The following MICOS10 variants were observed in gnomAD, a reference collection of about 807,000 sequenced individuals.
The protein encoded by MICOS10 is MICOS complex subunit MIC10.
A neutral mutation model predicts 13.4 loss-of-function variants in MICOS10; 5 were observed. The observed-to-expected ratio is 0.37, with a 90% confidence interval of 0.20 to 0.78. MICOS10 has a LOEUF of 0.78. Among genes scored for constraint, MICOS10 ranks in the 30% least tolerant of loss-of-function variants. The pLI is 0.47. For missense variants in MICOS10, 101 were observed against 94.6 expected (o/e 1.07, Z -0.28); for synonymous variants, 35 against 33.6 (o/e 1.04, Z -0.15).
At position 19,619,904 on chromosome 1, in the gene MICOS10, C is replaced by T. The variant is rs138924642; in HGVS notation, c.65-2196C>T. ...TGCTCCCCACCCCCTACCACACACC[C>T]GCAACTGGCCTTTGCCATGAGGAAG... On this transcript the variant is annotated intron_variant, in intron 1 of 3. Transcript: ENST00000322753. Among the ~76,000 whole-genome samples the T allele has an allele frequency of 5.9e-3, 892 of 152,332 alleles. 5 individuals carry two copies. Among genetic ancestry groups the T allele is most frequent in the Non-Finnish European group, 9.7e-3 (661 of 68,036 alleles).
chr1:19,600,741 G>T (rs1284528703), intron 1 of MICOS10: 1 of 413,188 alleles, frequency 2.4e-6, no homozygotes, highest in Admixed American at 2.9e-5. Context: ...AGCTGGGACT[G>T]TGGGTACGCA....
Position 19,623,602 on chromosome 1 carries a change from T to C in MICOS10, c.222+19T>C. 3 of 1,521,296 alleles carry C rather than the reference T, an allele frequency of 2.0e-6. No individual in the cohort carries two copies. Among genetic ancestry groups the C allele is most frequent in the Non-Finnish European group, 2.7e-6 (3 of 1,099,922 alleles). The allele number at this position is 1,521,296 out of a possible 1,614,324, so 94.2% of individuals were successfully genotyped here. On this transcript the variant is annotated intron_variant, in intron 3 of 3. Transcript: ENST00000322753. ...TGTCAAAGTATGTACAGAATATATA[T>C]TTCTCTTTCCTTCAGAAGAAAAAGA...
At chr1:19,613,678 C>T (rs147325563) in intron 1 of MICOS10, among the ~76,000 whole-genome samples, 4 of 152,274 alleles carry the variant, frequency 2.6e-5, no homozygotes, top group East Asian at 1.9e-4. Context: ...AGTGGGTACA[C>T]GGTTTGTATA....
At chr1:19,624,302 G>T (rs1043053714) in intron 3 of MICOS10, among the ~76,000 whole-genome samples, 7 of 151,974 alleles carry the variant, frequency 4.6e-5, no homozygotes, top group Admixed American at 3.3e-4. Flanking sequence ...TATTTATTTT[G>T]TGGGGATGGA....
chr1:19,608,284 T>C, intron 1 of MICOS10: 2 of 1,348,308 alleles, frequency 1.5e-6, no homozygotes, highest in Non-Finnish European at 2.1e-6. Context: ...GCCGTGTGAC[T>C]GGTGGGATGA....
intron 3 of MICOS10, 88 bp from the exon 4 acceptor site, chr1:19,626,299 C>T: frequency 6.5e-7 from 1 of 1,535,708 alleles, no homozygotes; most frequent in Non-Finnish European, 9.0e-7. Flanking sequence ...TGGCTTCTGG[C>T]CCTTTGGGTC....
chr1:19,614,408 A>ACACTTT lies in MICOS10; in HGVS notation c.65-7688_65-7683dup, dbSNP rs2100296690. The ACACTTT allele has an allele frequency of 1.3e-5, 2 of 150,022 alleles. 1 individual carries two copies. Among genetic ancestry groups the ACACTTT allele is most frequent in the South Asian group, 4.2e-4 (2 of 4,746 alleles). The allele number at this position is 150,022 out of a possible 1,614,324, so 9.3% of individuals were successfully genotyped here. ...TTCACACACACACACTCTCACACAC[A>ACACTTT]CACTTTCACACACACACATTCACTC... On this transcript the variant is annotated intron_variant, in intron 1 of 3. Coordinates refer to ENST00000322753, the MANE Select transcript of MICOS10 (RefSeq NM_001032363.4).
At chr1:19,617,714 G>A (rs1320980) in intron 1 of MICOS10, among the ~76,000 whole-genome samples, 16,654 of 152,094 alleles carry the variant, frequency 0.11, 3,086 homozygotes, top group African/African-American at 0.38. Flanking sequence ...TTTGATGATT[G>A]TAATAGCATT....
intron 1 of MICOS10, among the ~76,000 whole-genome samples, chr1:19,607,735 ACT>A (rs934123980): frequency 2.0e-5 from 3 of 152,220 alleles, no homozygotes; most frequent in African/African-American, 7.2e-5. Flanking sequence ...TGATTTTTAA[ACT>A]CTGAAAATGT....
intron 3 of MICOS10, among the ~76,000 whole-genome samples, chr1:19,625,865 A>C (rs2094920216): frequency 6.6e-6 from 1 of 152,150 alleles, no homozygotes; most frequent in Non-Finnish European, 1.5e-5. Flanking sequence ...GCAAAATCCC[A>C]ACCTGGGCTT....
intron 2 of MICOS10, among the ~76,000 whole-genome samples, 158 bp downstream of exon 2, chr1:19,622,305 A>G (rs1296134413): frequency 6.6e-6 from 1 of 152,136 alleles, no homozygotes; most frequent in Non-Finnish European, 1.5e-5. Flanking sequence ...TTAGATAAAG[A>G]ATGTGGACTT....
At chr1:19,625,732 TC>T in intron 3 of MICOS10, 1 of 1,144,954 alleles carries the variant, frequency 8.7e-7, no homozygotes, top group Non-Finnish European at 1.1e-6. Context: ...GGCTGGGAGT[TC>T]CTGTGGAAAA....
intron 1 of MICOS10, among the ~76,000 whole-genome samples, chr1:19,600,117 C>T (rs1015696225): frequency 1.3e-5 from 2 of 151,914 alleles, no homozygotes; most frequent in African/African-American, 4.8e-5. Context: ...ACTTTTGCAC[C>T]AACCTAGTAA....
Position 19,626,502 on chromosome 1 carries a change from TG to T in MICOS10, c.*102del, listed in dbSNP as rs1387030664. On this transcript the variant is annotated 3_prime_UTR_variant, in exon 4 of 4. Coordinates refer to ENST00000322753, the MANE Select transcript of MICOS10 (RefSeq NM_001032363.4). Reference sequence around the variant, plus strand: ...GTAAGCTGCCATTCTTCTGTAACAATGTTATCAGTAATGCTTTAAACTCCAG... The same window carrying T: ...GTAAGCTGCCATTCTTCTGTAACAATTTATCAGTAATGCTTTAAACTCCAG... 7.7e-7 allele frequency: 1 copy of T among 1,303,326 alleles called. No homozygotes were observed. Among genetic ancestry groups the T allele is most frequent in the East Asian group, 2.3e-5 (1 of 42,654 alleles). 80.7% of individuals were successfully genotyped at this position (1,303,326 alleles called of 1,614,324 possible).
chr1:19,610,175 A>G (rs1490098279), intron 1 of MICOS10, among the ~76,000 whole-genome samples: 3 of 152,048 alleles, frequency 2.0e-5, no homozygotes, highest in Non-Finnish European at 4.4e-5. Flanking sequence ...CATAATTCTT[A>G]GGTCTTGTAA....
intron 1 of MICOS10, among the ~76,000 whole-genome samples, chr1:19,620,982 A>T (rs1047223522): frequency 6.6e-6 from 1 of 152,236 alleles, no homozygotes; most frequent in Non-Finnish European, 1.5e-5. Flanking sequence ...ATTGTAAGCC[A>T]TTATGTTTTT....
intron 1 of MICOS10, among the ~76,000 whole-genome samples, chr1:19,621,621 G>C (rs2094903814): frequency 6.6e-6 from 1 of 152,180 alleles, no homozygotes; most frequent in Non-Finnish European, 1.5e-5. Context: ...ATTCTGGCTT[G>C]TGTGATAGCT....
chr1:19,614,325 T>TA (rs1292506561), intron 1 of MICOS10, among the ~76,000 whole-genome samples: 97 of 136,618 alleles, frequency 7.1e-4, no homozygotes, highest in South Asian at 4.0e-3. Context: ...ACCTCCCTTA[T>TA]AAAAAAAAAA....
chr1:19,598,634 A>G (rs530836338), intron 1 of MICOS10, among the ~76,000 whole-genome samples: 8 of 151,664 alleles, frequency 5.3e-5, no homozygotes, highest in South Asian at 2.1e-4. Context: ...AAGGAGAAGA[A>G]GAAGAAGGGG....
Sources: gnomAD v4.1 joint callset for allele counts (sites outside exome capture counted in the v4.1 genomes callset) on GRCh38, gnomAD v4.1.1 for gene constraint, MANE v1.5 for transcripts, NCBI Gene and HGNC (gene_info 2026-07-23, HGNC 2026-07-21) for gene names.